CREBBP: variants seen among roughly 807,000 people sequenced by gnomAD.
CREBBP encodes CREB binding lysine acetyltransferase.
A neutral mutation model predicts 265.0 loss-of-function variants in CREBBP; 19 were observed. The ratio of observed to expected loss-of-function variants is 0.07; its 90% CI spans 0.05 to 0.11. The LOEUF (loss-of-function observed/expected upper bound fraction) is 0.11. Ranked by LOEUF, CREBBP falls within the 10% of genes least tolerant of loss-of-function variation. The probability of loss-of-function intolerance (pLI) is 1.00; values close to 1 mark genes in which losing one functional copy is unlikely to be tolerated. For synonymous variants in CREBBP, 1,457 were observed against 1,223.7 expected, an observed-to-expected ratio of 1.19 and a Z score of -3.98; for missense variants, 2,525 against 3,219.0, an observed-to-expected ratio of 0.78 and a Z score of 5.22.
intron 2 of CREBBP, among the ~76,000 whole-genome samples, chr16:3,821,095 T>TAA (rs1462746529): frequency 1.3e-5 from 2 of 152,262 alleles, no homozygotes; most frequent in African/African-American, 4.8e-5. Context: ...ATCAGCCATG[T>TAA]AACTGGGACA....
intron 1 of CREBBP, among the ~76,000 whole-genome samples, chr16:3,857,903 C>T (rs1049871162): frequency 2.0e-5 from 3 of 152,150 alleles, no homozygotes; most frequent in Non-Finnish European, 2.9e-5. Context: ...CACACTCATA[C>T]GAGGCTGGGA....
intron 5 of CREBBP, among the ~76,000 whole-genome samples, chr16:3,789,669 C>T (rs553257279): frequency 1.1e-3 from 161 of 151,906 alleles, no homozygotes; most frequent in African/African-American, 3.7e-3. Flanking sequence ...ATAAAATTTA[C>T]AAAAAGGATA....
rs2151315687 is a variant in CREBBP, at chr16:3,731,180, G to A, written c.5172+12C>T. On this transcript the variant is annotated intron_variant, in intron 30 of 30. Coordinates refer to ENST00000262367, the MANE Select transcript of CREBBP (RefSeq NM_004380.3). This position sits in a 1 kb window ranked among gnomAD's most constrained non-coding sequence, Gnocchi z 7.7. ...GGCCGGCTGTGGGGGTGGGGGTGGGGGCAGGGCCTACCTCGCACACAGTGC... is the reference window on the plus strand; with the variant it reads ...GGCCGGCTGTGGGGGTGGGGGTGGGAGCAGGGCCTACCTCGCACACAGTGC... 6.2e-7 allele frequency: 1 copy of A among 1,607,412 alleles called. No homozygotes were observed. Among genetic ancestry groups the A allele is most frequent in the Non-Finnish European group, 8.5e-7 (1 of 1,175,884 alleles).
At position 3,793,414 on chromosome 16, in the gene CREBBP, C is replaced by A. The variant is rs750507234; in HGVS notation, c.1188G>T (p.Thr396=). 21 of 1,614,074 alleles carry A rather than the reference C, an allele frequency of 1.3e-5. No homozygotes were observed. The highest frequency in any genetic ancestry group is 1.5e-5 in the Non-Finnish European group (18 of 1,179,984). Residue 396 remains threonine (T), a synonymous_variant, in exon 4 of 31, where the codon ACG becomes ACT. Coordinates refer to ENST00000262367, the MANE Select transcript of CREBBP (RefSeq NM_004380.3). ...GGCAGGCTTTCCCAGCCTGACAATG[C>A]GTCATGTGATTCAAAACGTTTTTCA... The part of the protein sequence containing the change: ...RTMKNVLNHM[T]HCQAGKACQV...
In CREBBP at chr16:3,823,782, T is replaced by C. The variant is rs79058894; in HGVS notation, c.799-13003A>G. On this transcript the variant is annotated intron_variant, in intron 2 of 30. Transcript: ENST00000262367. ...AGCATGAGGGATGGACCTGAATGCA[T>C]TTAGTTCCCAAGTTTCCATGGCAAG... Among the ~76,000 whole-genome samples the C allele has an allele frequency of 6.9e-3, 1,056 of 152,126 alleles. 8 individuals carry two copies. Among genetic ancestry groups the C allele is most frequent in the African/African-American group, 0.023 (934 of 41,496 alleles).
chr16:3,839,578 A>G (rs1304777437), intron 2 of CREBBP, among the ~76,000 whole-genome samples: 2 of 151,838 alleles, frequency 1.3e-5, no homozygotes, highest in African/African-American at 4.8e-5. Flanking sequence ...GCTACTCAGG[A>G]GGCTGAGGCA....
intron 2 of CREBBP, among the ~76,000 whole-genome samples, chr16:3,814,751 G>A (rs1299534355): frequency 2.8e-5 from 4 of 143,512 alleles, no homozygotes; most frequent in East Asian, 4.2e-4. Context: ...TGTAAGGAAC[G>A]TCCAGCTCAT....
chr16:3,730,074 G>A (rs1263364873), intron 30 of CREBBP, among the ~76,000 whole-genome samples, 200 bp from the exon 31 acceptor site: 4 of 151,400 alleles, frequency 2.6e-5, no homozygotes, highest in African/African-American at 7.4e-5. Context: ...ATCATGGACG[G>A]GATGGGATCA....
At chr16:3,763,724 A>C (rs960050298) in intron 16 of CREBBP, among the ~76,000 whole-genome samples, 65 of 152,326 alleles carry the variant, frequency 4.3e-4, no homozygotes, top group African/African-American at 1.5e-3. Context: ...TCAGCTTCCC[A>C]AAGTGTTGGG....
At chr16:3,797,776 A>T (rs1057464114) in intron 3 of CREBBP, among the ~76,000 whole-genome samples, 15 of 144,800 alleles carry the variant, frequency 1.0e-4, no homozygotes, top group East Asian at 3.9e-4. Context: ...CCTTTTATTT[A>T]AAAAAAAAAA....
chr16:3,793,574 C>G lies in CREBBP; in HGVS notation c.1028G>C (p.Gly343Ala). Residue 343 changes from glycine to alanine, a missense_variant, in exon 4 of 31, where the codon GGC (glycine) becomes GCC (alanine). This residue lies in a region of CREBBP where 126 missense variants were observed against 171.9 expected (regional missense o/e 0.73). Transcript: ENST00000262367. The part of the protein sequence containing the change: ...GIVPTQAIAT[G>A]PTADPEKRKL... Reference sequence around the variant, plus strand: ...GCGTTTTTCAGGATCTGCAGTGGGGCCTGTTGCAATTGCTTGTGTGGGTAC... The same window carrying G: ...GCGTTTTTCAGGATCTGCAGTGGGGGCTGTTGCAATTGCTTGTGTGGGTAC... 6.2e-7 allele frequency: 1 copy of G among 1,613,886 alleles called. No individual in the cohort carries two copies. The highest frequency in any genetic ancestry group is 8.5e-7 in the Non-Finnish European group (1 of 1,180,012).
chr16:3,738,075 C>T (rs1475777123), intron 26 of CREBBP, among the ~76,000 whole-genome samples: 3 of 151,226 alleles, frequency 2.0e-5, no homozygotes, highest in Non-Finnish European at 4.4e-5. Context: ...TGTGAGCCAC[C>T]GCGCCCGGCC....
chr16:3,790,721 T>C (rs1425650730), intron 5 of CREBBP, among the ~76,000 whole-genome samples: 2 of 152,174 alleles, frequency 1.3e-5, no homozygotes, highest in African/African-American at 4.8e-5. Flanking sequence ...CCCATTACCC[T>C]GGCATTTCTC....
At chr16:3,735,037 A>G (rs2052016808) in intron 28 of CREBBP, among the ~76,000 whole-genome samples, 1 of 151,224 alleles carries the variant, frequency 6.6e-6, no homozygotes. Flanking sequence ...CCCTGCACCT[A>G]CAGCTACAGC....
In CREBBP at chr16:3,850,477, C is replaced by G. The variant is rs751351481; in HGVS notation, c.618G>C (p.Ala206=). 6.2e-7 allele frequency: 1 copy of G among 1,614,250 alleles called. No individual in the cohort carries two copies. The highest frequency in any genetic ancestry group is 1.7e-5 in the Admixed American group (1 of 60,030). Residue 206 remains alanine (A), a synonymous_variant, in exon 2 of 31, where the codon GCG becomes GCC. Transcript: ENST00000262367. ...SLINQASQGQ[A]QVMNGSLGAA... Reference sequence around the variant, plus strand: ...CCCCAAGAGATCCATTCATGACTTGCGCCTGCCCTTGTGAAGCCTGATTAA... The same window carrying G: ...CCCCAAGAGATCCATTCATGACTTGGGCCTGCCCTTGTGAAGCCTGATTAA...
intron 5 of CREBBP, among the ~76,000 whole-genome samples, chr16:3,785,279 C>G (rs750874192): frequency 2.6e-5 from 4 of 152,228 alleles, no homozygotes; most frequent in Non-Finnish European, 5.9e-5. Flanking sequence ...TGTCTTTAGA[C>G]ACTGACCCTT....
chr16:3,778,603 A>T, intron 9 of CREBBP, 97 bp downstream of exon 9: 1 of 1,065,090 alleles, frequency 9.4e-7, no homozygotes. Flanking sequence ...TGTCCCAACT[A>T]CATAGATTCC....
chr16:3,835,302 T>C lies in CREBBP; in HGVS notation c.798+14995A>G, dbSNP rs527870831. 1.1e-4 allele frequency among the ~76,000 whole-genome samples: 17 copies of C among 152,248 alleles called. No homozygotes were observed. In the East Asian group the frequency reaches 3.1e-3, roughly 28 times the overall value. ...AAGGGCCAGTTAATAAATAATTTAG[T>C]CTTTGCAGATGACCTGCGGTTTCCA... On this transcript the variant is annotated intron_variant, in intron 2 of 30. Coordinates refer to ENST00000262367, the MANE Select transcript of CREBBP (RefSeq NM_004380.3).
chr16:3,741,388 T>A (rs1429565559), intron 23 of CREBBP: 1 of 152,232 alleles, frequency 6.6e-6, no homozygotes, highest in African/African-American at 2.4e-5. Flanking sequence ...AAATTGGGAA[T>A]TTTCGAAGAT....
Sources: gnomAD v4.1 joint callset for allele counts (sites outside exome capture counted in the v4.1 genomes callset) on GRCh38, gnomAD v4.1.1 for gene constraint, gnomAD v4.1.1 regional missense constraint, Gnocchi (gnomAD v3.1) non-coding constraint, MANE v1.5 for transcripts, NCBI Gene and HGNC (gene_info 2026-07-23, HGNC 2026-07-21) for gene names.